UGGT2: variants seen among roughly 807,000 people sequenced by gnomAD.
The protein encoded by UGGT2 is UDP-glucose:glycoprotein glucosyltransferase 2.
Under a neutral mutation model 192.1 loss-of-function variants are expected in UGGT2, and 180 were observed. That is an observed-to-expected ratio of 0.94 (90% CI 0.83 to 1.06). UGGT2 has a LOEUF of 1.06. UGGT2 is among the 50% of genes least tolerant of loss of function. The probability of loss-of-function intolerance (pLI) is 0.00; values close to 1 mark genes in which losing one functional copy is unlikely to be tolerated. For synonymous variants in UGGT2, 580 were observed against 591.0 expected, an observed-to-expected ratio of 0.98 and a Z score of 0.27; for missense variants, 1,849 against 1,795.7, an observed-to-expected ratio of 1.03 and a Z score of -0.54.
chr13:95,948,813 T>A (rs2049965174), intron 13 of UGGT2, among the ~76,000 whole-genome samples: 1 of 152,246 alleles, frequency 6.6e-6, no homozygotes, highest in Admixed American at 6.5e-5. Context: ...ATGGTTTGGC[T>A]GTGTGCCCAC....
At chr13:95,846,904 T>C (rs910799898) in intron 36 of UGGT2, among the ~76,000 whole-genome samples, 30 of 152,186 alleles carry the variant, frequency 2.0e-4, no homozygotes, top group Admixed American at 2.6e-4. Flanking sequence ...TGTGCTGTCA[T>C]GTCTCACATT....
intron 38 of UGGT2, 179 bp downstream of exon 38, chr13:95,832,748 T>C: frequency 4.7e-6 from 4 of 848,478 alleles, no homozygotes; most frequent in Non-Finnish European, 7.7e-6. Flanking sequence ...AAACAGATTA[T>C]CTATGTTTTA....
intron 2 of UGGT2, among the ~76,000 whole-genome samples, chr13:96,028,123 CA>C: frequency 6.6e-6 from 1 of 152,286 alleles, no homozygotes; most frequent in African/African-American, 2.4e-5. Flanking sequence ...TACCGTTTTT[CA>C]TATTGATCAC....
intron 12 of UGGT2, among the ~76,000 whole-genome samples, chr13:95,957,828 A>G (rs2050257395): frequency 6.6e-6 from 1 of 152,236 alleles, no homozygotes; most frequent in Non-Finnish European, 1.5e-5. Context: ...CAAAAGCTAA[A>G]AAGCACAAAT....
rs9516623 is a variant in UGGT2 at position 95,909,782 on chromosome 13, A to T, written c.2296-6722T>A. ...ATAATAATAATAATAATAATAATAA[A>T]AAAGATTCCTGCCCACTAAAAAAAA... On this transcript the variant is annotated intron_variant, in intron 20 of 38. Coordinates refer to ENST00000376747, the MANE Select transcript of UGGT2 (RefSeq NM_020121.4). 6.7e-3 allele frequency among the ~76,000 whole-genome samples: 770 copies of T among 115,108 alleles called. 2 individuals carry two copies. The highest frequency in any genetic ancestry group is 0.012 in the African/African-American group (376 of 30,688). 75.5% of individuals were successfully genotyped at this position (115,108 alleles called of 152,430 possible).
intron 36 of UGGT2, among the ~76,000 whole-genome samples, chr13:95,839,122 T>C (rs1469177990): frequency 2.0e-5 from 3 of 152,116 alleles, no homozygotes; most frequent in Admixed American, 6.6e-5. Flanking sequence ...GAACTCAACA[T>C]GGCTGAGTTC....
chr13:95,831,095 A>G (rs1415147033), intron 38 of UGGT2, among the ~76,000 whole-genome samples: 1 of 135,658 alleles, frequency 7.4e-6, no homozygotes, highest in Admixed American at 7.4e-5. Flanking sequence ...ACCTGGACAC[A>G]GGGTGGGGAA....
chr13:95,807,963 A>G (rs554597824), intron 38 of UGGT2, among the ~76,000 whole-genome samples: 28 of 152,130 alleles, frequency 1.8e-4, no homozygotes, highest in African/African-American at 6.0e-4. Context: ...TCTTTTCCAA[A>G]GAGTACTTTG....
At chr13:95,906,810 G>T (rs371371586) in intron 20 of UGGT2, among the ~76,000 whole-genome samples, 1 of 152,162 alleles carries the variant, frequency 6.6e-6, no homozygotes, top group Non-Finnish European at 1.5e-5. Context: ...AGATGGGGGC[G>T]TTCCAAGATG....
chr13:95,893,589 A>G (rs1463835567), intron 24 of UGGT2, among the ~76,000 whole-genome samples: 1 of 152,118 alleles, frequency 6.6e-6, no homozygotes, highest in Non-Finnish European at 1.5e-5. Context: ...ACAGAGTGTG[A>G]CTTTAATGTA....
At chr13:96,014,209 A>G (rs1276858138) in intron 4 of UGGT2, among the ~76,000 whole-genome samples, 1 of 152,196 alleles carries the variant, frequency 6.6e-6, no homozygotes, top group Non-Finnish European at 1.5e-5. Context: ...GCAAACCAAG[A>G]GATAAGGAAG....
At chr13:95,882,188 G>A (rs538994374) in intron 27 of UGGT2, among the ~76,000 whole-genome samples, 6 of 152,056 alleles carry the variant, frequency 3.9e-5, no homozygotes, top group South Asian at 2.1e-4. Flanking sequence ...GATTACAGGC[G>A]TGAGCCACCA....
intron 38 of UGGT2, among the ~76,000 whole-genome samples, chr13:95,815,087 G>A (rs977227292): frequency 4.6e-5 from 7 of 152,086 alleles, no homozygotes; most frequent in African/African-American, 1.7e-4. Flanking sequence ...GCCTGATAAA[G>A]GACATCTATG....
chr13:95,983,243 G>A (rs1037037156), intron 10 of UGGT2, among the ~76,000 whole-genome samples: 1 of 152,142 alleles, frequency 6.6e-6, no homozygotes, highest in Non-Finnish European at 1.5e-5. Context: ...TGAGAAAAAT[G>A]AACTCCTAGT....
chr13:96,002,195 T>A (rs574759220), intron 5 of UGGT2, among the ~76,000 whole-genome samples: 1 of 152,354 alleles, frequency 6.6e-6, no homozygotes, highest in East Asian at 1.9e-4. Flanking sequence ...CAGCTCTGCC[T>A]TATCTGACAG....
chr13:95,945,388 G>A (rs2049830331), intron 15 of UGGT2, among the ~76,000 whole-genome samples: 1 of 151,922 alleles, frequency 6.6e-6, no homozygotes, highest in South Asian at 2.1e-4. Flanking sequence ...CCTTCTAATT[G>A]TTTAGCACAA....
chr13:96,031,813 C>T, intron 2 of UGGT2, 76 bp downstream of exon 2: 3 of 1,108,372 alleles, frequency 2.7e-6, no homozygotes, highest in Non-Finnish European at 3.9e-6. Flanking sequence ...TAACCATTAC[C>T]ATTAAAAAAT....
intron 15 of UGGT2, among the ~76,000 whole-genome samples, chr13:95,945,764 A>G (rs1356622253): frequency 1.3e-5 from 2 of 152,146 alleles, no homozygotes; most frequent in African/African-American, 4.8e-5. Context: ...AGTAAAACAA[A>G]TAAGCTGAGA....
At chr13:95,875,081 C>T (rs1891554988) in intron 29 of UGGT2, among the ~76,000 whole-genome samples, 1 of 152,096 alleles carries the variant, frequency 6.6e-6, no homozygotes, top group African/African-American at 2.4e-5. Flanking sequence ...AAAACAGCTC[C>T]TGTTACTCCA....
Sources: allele counts gnomAD v4.1 joint callset (sites outside exome capture counted in the v4.1 genomes callset), GRCh38; gene constraint gnomAD v4.1.1; transcripts MANE v1.5; gene names NCBI Gene and HGNC (gene_info 2026-07-23, HGNC 2026-07-21).